Variants in NBAS observed in about 807,000 individuals in gnomAD.
NBAS encodes the protein NBAS subunit of NRZ tethering complex.
In NBAS, 219 loss-of-function variants were observed where a neutral mutation model predicts 302.5. The observed-to-expected ratio is 0.72, with a 90% CI of 0.65 to 0.81. The LOEUF is 0.81. Ranked by LOEUF, NBAS falls within the 30% of genes least tolerant of loss-of-function variation. The pLI, the probability that NBAS is intolerant of heterozygous loss-of-function variation, is 0.00. For synonymous variants in NBAS, 1,118 were observed against 1,021.6 expected (o/e 1.09, Z -1.80); for missense variants, 2,932 against 2,841.6 (o/e 1.03, Z -0.72).
At chr2:14,848,381 C>T in the NBAS span, among the ~76,000 whole-genome samples, 132 of 134,328 alleles carry the variant, frequency 9.8e-4, 18 homozygotes, top group African/African-American at 4.2e-3. Context: ...GGCTTAAAAA[C>T]GGCGCACCAC....
intron 10 of NBAS, among the ~76,000 whole-genome samples, chr2:15,504,534 A>G (rs1487808717): frequency 6.6e-6 from 1 of 152,192 alleles, no homozygotes; most frequent in Non-Finnish European, 1.5e-5. Context: ...TTTTATCCTA[A>G]CATCAGTATA....
chr2:15,082,893 T>C, the NBAS span, among the ~76,000 whole-genome samples: 1 of 152,192 alleles, frequency 6.6e-6, no homozygotes, highest in East Asian at 1.9e-4. Context: ...AGCTGACATG[T>C]AGTAGAGCCA....
At chr2:14,968,385 C>T in the NBAS span, among the ~76,000 whole-genome samples, 12 of 152,176 alleles carry the variant, frequency 7.9e-5, no homozygotes, top group Non-Finnish European at 1.2e-4. Flanking sequence ...ACTTCATATG[C>T]CCCTGAGGTT....
At chr2:14,978,328 C>T in the NBAS span, among the ~76,000 whole-genome samples, 6 of 152,234 alleles carry the variant, frequency 3.9e-5, no homozygotes, top group South Asian at 1.2e-3. Context: ...GTATCTTTCC[C>T]CAAAGTGTAA....
At chr2:15,034,267 A>G in the NBAS span, among the ~76,000 whole-genome samples, 1 of 100,012 alleles carries the variant, frequency 1.0e-5, no homozygotes, top group Admixed American at 1.0e-4. Context: ...AAAGAAAGAA[A>G]GAAAGAAAGA....
chr2:15,099,920 A>C, the NBAS span, among the ~76,000 whole-genome samples: 5 of 152,354 alleles, frequency 3.3e-5, no homozygotes, highest in South Asian at 8.3e-4. Flanking sequence ...GACACACACA[A>C]AAATTTCAGT....
At chr2:15,083,084 A>G in the NBAS span, among the ~76,000 whole-genome samples, 5 of 152,236 alleles carry the variant, frequency 3.3e-5, no homozygotes, top group African/African-American at 1.2e-4. Context: ...GGAGGAAAGC[A>G]GCTATGTGCA....
chr2:15,020,250 G>A, the NBAS span, among the ~76,000 whole-genome samples: 12 of 152,342 alleles, frequency 7.9e-5, no homozygotes, highest in East Asian at 2.3e-3. Context: ...TTAAAATTAT[G>A]AAATTATTAA....
At chr2:15,519,585 C>T (rs1360382422) in intron 9 of NBAS, among the ~76,000 whole-genome samples, 1 of 152,110 alleles carries the variant, frequency 6.6e-6, no homozygotes, top group Non-Finnish European at 1.5e-5. Flanking sequence ...AATACAGGCA[C>T]ATGCATGCCT....
At position 15,534,650 on chromosome 2, in the gene NBAS, A is replaced by T; in HGVS notation, c.648-9T>A. ...TCTGATTTGTTCCAACACTAAATTTAAGAGGGTATGAAAGAAGTAAATACC... is the reference window on the plus strand; with the variant it reads ...TCTGATTTGTTCCAACACTAAATTTTAGAGGGTATGAAAGAAGTAAATACC... On this transcript the variant is annotated splice_polypyrimidine_tract_variant and intron_variant, in intron 8 of 51. Coordinates refer to ENST00000281513, the MANE Select transcript of NBAS (RefSeq NM_015909.4). The T allele has an allele frequency of 3.1e-6, 5 of 1,595,118 alleles. No homozygotes were observed. Among genetic ancestry groups the T allele is most frequent in the Non-Finnish European group, 4.3e-6 (5 of 1,162,678 alleles).
At chr2:15,373,984 C>G (rs557092897) in intron 31 of NBAS, among the ~76,000 whole-genome samples, 1 of 152,234 alleles carries the variant, frequency 6.6e-6, no homozygotes, top group South Asian at 2.1e-4. Context: ...TCCAGTACAC[C>G]ATGAGATGTA....
intron 16 of NBAS, among the ~76,000 whole-genome samples, chr2:15,469,967 C>T (rs1679889508): frequency 6.6e-6 from 1 of 151,404 alleles, no homozygotes; most frequent in Non-Finnish European, 1.5e-5. Context: ...GCACATGTAC[C>T]CTAGAACTTA....
intron 38 of NBAS, among the ~76,000 whole-genome samples, chr2:15,313,190 T>A (rs1572637568): frequency 6.6e-6 from 1 of 152,232 alleles, no homozygotes; most frequent in African/African-American, 2.4e-5. Context: ...CTACCCTGTA[T>A]GTCAACCAAA....
intron 6 of NBAS, among the ~76,000 whole-genome samples, chr2:15,551,175 G>A (rs557428401): frequency 6.6e-6 from 1 of 151,988 alleles, no homozygotes; most frequent in Admixed American, 6.6e-5. Context: ...CTTCTTACTA[G>A]TCTGTATCTA....
chr2:15,361,037 A>G (rs1673894694), intron 32 of NBAS, among the ~76,000 whole-genome samples: 1 of 152,242 alleles, frequency 6.6e-6, no homozygotes, highest in African/African-American at 2.4e-5. Context: ...CTGGCTGTAT[A>G]GGAGGTTTAC....
the NBAS span, among the ~76,000 whole-genome samples, chr2:15,037,486 G>A: frequency 2.0e-5 from 3 of 152,274 alleles, no homozygotes; most frequent in African/African-American, 7.2e-5. Context: ...AAAATTGCTC[G>A]CTGCTCAGGG....
chr2:15,091,921 C>T, the NBAS span, among the ~76,000 whole-genome samples: 10 of 152,164 alleles, frequency 6.6e-5, no homozygotes, highest in Non-Finnish European at 1.3e-4. Flanking sequence ...ATACAACATA[C>T]GTGTTAAAAG....
the NBAS span, among the ~76,000 whole-genome samples, chr2:15,025,342 T>C: frequency 2.6e-5 from 4 of 152,278 alleles, no homozygotes; most frequent in African/African-American, 9.6e-5. Context: ...TTTTGAACCA[T>C]TACCATTCTG....
the NBAS span, among the ~76,000 whole-genome samples, chr2:14,861,356 C>A: frequency 6.6e-6 from 1 of 152,174 alleles, no homozygotes; most frequent in Non-Finnish European, 1.5e-5. Flanking sequence ...CTCGAAGGAG[C>A]CACAGGAATT....
Sources: allele counts gnomAD v4.1 joint callset (sites outside exome capture counted in the v4.1 genomes callset), GRCh38; gene constraint gnomAD v4.1.1; transcripts MANE v1.5; gene names NCBI Gene and HGNC (gene_info 2026-07-23, HGNC 2026-07-21).